APBB1IP: variants seen among roughly 807,000 people sequenced by gnomAD.
APBB1IP encodes amyloid beta precursor protein binding family B member 1 interacting protein.
A neutral mutation model predicts 64.9 loss-of-function variants in APBB1IP; 27 were observed. The observed-to-expected ratio is 0.42, with a 90% confidence interval of 0.31 to 0.57. The LOEUF (loss-of-function observed/expected upper bound fraction) is 0.57. Among genes scored for constraint, APBB1IP ranks in the 20% least tolerant of loss-of-function variants. The pLI, the probability that APBB1IP is intolerant of heterozygous loss-of-function variation, is 0.20. For missense variants in APBB1IP, 812 were observed against 845.5 expected, an observed-to-expected ratio of 0.96 and a Z score of 0.49; for synonymous variants, 392 against 331.0, an observed-to-expected ratio of 1.18 and a Z score of -2.00.
chr10:26,446,102 G>A (rs1835395365), intron 2 of APBB1IP, among the ~76,000 whole-genome samples: 1 of 152,128 alleles, frequency 6.6e-6, no homozygotes, highest in African/African-American at 2.4e-5. Context: ...CAGAAGCGGG[G>A]AATCCCACAA....
intron 11 of APBB1IP, 91 bp from the exon 12 acceptor site, chr10:26,560,014 G>T: frequency 4.8e-6 from 5 of 1,051,802 alleles, no homozygotes; most frequent in African/African-American, 1.6e-5. Flanking sequence ...CACATATATT[G>T]TTAGAGATTT....
chr10:26,469,380 C>T (rs1297507052), intron 2 of APBB1IP, among the ~76,000 whole-genome samples: 1 of 150,946 alleles, frequency 6.6e-6, no homozygotes, highest in Non-Finnish European at 1.5e-5. Flanking sequence ...CAACCTCAAC[C>T]TCCTGAATAG....
intron 11 of APBB1IP, among the ~76,000 whole-genome samples, chr10:26,544,910 C>T (rs539716195): frequency 1.1e-3 from 166 of 152,264 alleles, no homozygotes; most frequent in African/African-American, 3.8e-3. Flanking sequence ...TTGAGGATCT[C>T]CCCAAAGGAG....
intron 8 of APBB1IP, among the ~76,000 whole-genome samples, chr10:26,525,293 A>T (rs1346587154): frequency 1.3e-5 from 2 of 152,108 alleles, no homozygotes; most frequent in Admixed American, 6.6e-5. Context: ...AAAGAAAAAA[A>T]GAAAGCTCAG....
intron 6 of APBB1IP, among the ~76,000 whole-genome samples, chr10:26,503,762 C>G (rs143151713): frequency 6.6e-6 from 1 of 152,192 alleles, no homozygotes; most frequent in Non-Finnish European, 1.5e-5. Flanking sequence ...CATCAGTTAG[C>G]TCACTTGTGA....
intron 8 of APBB1IP, among the ~76,000 whole-genome samples, chr10:26,527,733 C>T (rs1172718623): frequency 7.1e-6 from 1 of 140,822 alleles, no homozygotes; most frequent in Non-Finnish European, 1.5e-5. Context: ...GCTCCTGTGG[C>T]CCAGGCTGGA....
intron 8 of APBB1IP, among the ~76,000 whole-genome samples, chr10:26,527,442 G>A (rs1013470): frequency 0.22 from 32,729 of 151,412 alleles, 3,591 homozygotes; most frequent in East Asian, 0.26. Context: ...AGCTACTCAA[G>A]AGGCTGAGGT....
chr10:26,458,081 A>G (rs1232570530), intron 2 of APBB1IP, among the ~76,000 whole-genome samples: 1 of 152,082 alleles, frequency 6.6e-6, no homozygotes, highest in Admixed American at 6.6e-5. Flanking sequence ...TTAATGAATG[A>G]TTTCTTGAAA....
chr10:26,536,734 T>A (rs1456976944), intron 10 of APBB1IP, among the ~76,000 whole-genome samples: 2 of 103,150 alleles, frequency 1.9e-5, no homozygotes, highest in Non-Finnish European at 3.5e-5. Context: ...CCCCGCCAAG[T>A]AGCTGGGACT....
rs1217089242 is a variant in APBB1IP, at chr10:26,522,682, C to CT, written c.813+9029dup. Among the ~76,000 whole-genome samples, 37 of 152,034 alleles carry CT rather than the reference C, an allele frequency of 2.4e-4. No individual in the cohort carries two copies. The East Asian group carries it at 5.2e-3, about 21-fold the overall frequency. On this transcript the variant is annotated intron_variant, in intron 8 of 14. Coordinates refer to ENST00000376236, the MANE Select transcript of APBB1IP (RefSeq NM_019043.4). ...CAGTTGACCAAAACAACATGGAAAC[C>CT]TTTTTTTATTATAAATGTTGATATT... is the stretch of plus-strand genomic sequence containing the variant.
chr10:26,503,364 G>A (rs373291230), intron 6 of APBB1IP, 90 bp downstream of exon 6: 33 of 1,300,212 alleles, frequency 2.5e-5, no homozygotes, highest in East Asian at 1.3e-4. Flanking sequence ...AGCCGGGCGC[G>A]GTGGCTCACA....
chr10:26,479,592 G>GA lies in APBB1IP; in HGVS notation c.1-12727dup, dbSNP rs745710126. The stretch of plus-strand genomic sequence containing the variant: ...GCATTATTAGAATATGCAAACATTT[G>GA]AAAAAAAACAATAAAAATAAAAATT... On this transcript the variant is annotated intron_variant, in intron 2 of 14. Transcript: ENST00000376236. Among the ~76,000 whole-genome samples the GA allele has an allele frequency of 3.9e-3, 589 of 150,904 alleles. 2 individuals are homozygous for GA. Among genetic ancestry groups the GA allele is most frequent in the Non-Finnish European group, 6.8e-3 (460 of 67,722 alleles).
Position 26,506,259 on chromosome 10 carries a change from GGGGT to G in APBB1IP, c.531+2989_531+2992del, listed in dbSNP as rs1364064577. 3.3e-3 allele frequency among the ~76,000 whole-genome samples: 458 copies of G among 137,786 alleles called. 6 individuals carry two copies. The highest frequency in any genetic ancestry group is 1.0e-2 in the African/African-American group (381 of 38,180). 90.4% of individuals were successfully genotyped at this position (137,786 alleles called of 152,430 possible). The stretch of plus-strand genomic sequence containing the variant: ...CACTACCGTGTGTGTGTGGGGGGGG[GGGGT>G]GGGGGGCAAGGTCTTGCTCTGTCAC... On this transcript the variant is annotated intron_variant, in intron 6 of 14. Transcript: ENST00000376236.
Position 26,561,064 on chromosome 10 carries a change from C to CTTTTTTTTTTTTTTTTTTTT in APBB1IP, c.1369+225_1369+244dup, listed in dbSNP as rs764573338. On this transcript the variant is annotated intron_variant, in intron 13 of 14. Coordinates refer to ENST00000376236, the MANE Select transcript of APBB1IP (RefSeq NM_019043.4). ...CTTTTCTTTTTTTCTTTCTTTCTTT[C>CTTTTTTTTTTTTTTTTTTTT]TTTTTTTTTTTTTTTTTTTTTTTTG... Among the ~76,000 whole-genome samples the CTTTTTTTTTTTTTTTTTTTT allele has an allele frequency of 7.4e-4, 51 of 69,210 alleles. 1 individual carries two copies. Among genetic ancestry groups the CTTTTTTTTTTTTTTTTTTTT allele is most frequent in the Non-Finnish European group, 8.6e-4 (34 of 39,380 alleles). The allele number at this position is 69,210 out of a possible 152,430, so 45.4% of individuals were successfully genotyped here.
At chr10:26,451,468 T>C (rs1318426170) in intron 2 of APBB1IP, among the ~76,000 whole-genome samples, 2 of 152,210 alleles carry the variant, frequency 1.3e-5, no homozygotes, top group Non-Finnish European at 2.9e-5. Context: ...CTCTGTGCTT[T>C]ACTTAAGATC....
intron 4 of APBB1IP, among the ~76,000 whole-genome samples, chr10:26,496,672 A>G (rs1450427663): frequency 6.6e-6 from 1 of 152,070 alleles, no homozygotes; most frequent in Non-Finnish European, 1.5e-5. Flanking sequence ...CTTATTACTG[A>G]GCCCATAGAG....
chr10:26,446,427 C>T (rs565594019), intron 2 of APBB1IP, among the ~76,000 whole-genome samples: 2 of 152,254 alleles, frequency 1.3e-5, no homozygotes, highest in African/African-American at 4.8e-5. Flanking sequence ...AAGCAACACA[C>T]AGAAATGAAG....
At chr10:26,519,410 A>C (rs1466050162) in intron 8 of APBB1IP, among the ~76,000 whole-genome samples, 1 of 152,162 alleles carries the variant, frequency 6.6e-6, no homozygotes, top group African/African-American at 2.4e-5. Context: ...CAGAGGGTAA[A>C]GGGGAAGGAG....
intron 8 of APBB1IP, among the ~76,000 whole-genome samples, chr10:26,523,792 C>A (rs910437439): frequency 6.6e-6 from 1 of 151,740 alleles, no homozygotes; most frequent in East Asian, 1.9e-4. Flanking sequence ...ACACAGGAGA[C>A]CTCATTTCTT....
Sources: gnomAD v4.1 joint callset for allele counts (sites outside exome capture counted in the v4.1 genomes callset) on GRCh38, gnomAD v4.1.1 for gene constraint, MANE v1.5 for transcripts, NCBI Gene and HGNC (gene_info 2026-07-23, HGNC 2026-07-21) for gene names.